Variants in SPPL2B observed in about 807,000 individuals in gnomAD.
The protein encoded by SPPL2B is signal peptide peptidase-like 2B.
SPPL2B carries 39 observed loss-of-function variants against 59.7 expected under a neutral mutation model. The ratio of observed to expected loss-of-function variants is 0.65; its 90% CI spans 0.51 to 0.85. The LOEUF (loss-of-function observed/expected upper bound fraction) is 0.85, where lower values mean the gene tolerates loss of function less well. Among genes scored for constraint, SPPL2B ranks in the 40% least tolerant of loss-of-function variants. SPPL2B has a pLI of 0.00. For synonymous variants in SPPL2B, 419 were observed against 370.8 expected, an observed-to-expected ratio of 1.13 and a Z score of -1.49; for missense variants, 865 against 849.0, an observed-to-expected ratio of 1.02 and a Z score of -0.23.
At chr19:2,338,409 G>C in intron 3 of SPPL2B, 1 of 199,706 alleles carries the variant, frequency 5.0e-6, no homozygotes, top group Non-Finnish European at 1.0e-5. Flanking sequence ...CAGTGGGTGC[G>C]GGGCTCAAGG....
intron 14 of SPPL2B, 40 bp from the exon 15 acceptor site, chr19:2,352,906 T>G: frequency 6.2e-7 from 1 of 1,608,228 alleles, no homozygotes; most frequent in Admixed American, 1.7e-5. Flanking sequence ...CTCCTCTGGG[T>G]CCCTGTCTCC....
chr19:2,339,913 T>C lies in SPPL2B; in HGVS notation c.689T>C (p.Val230Ala). 1 of 1,573,316 alleles carries C rather than the reference T, an allele frequency of 6.4e-7. No individual in the cohort carries two copies. Among genetic ancestry groups the C allele is most frequent in the Non-Finnish European group, 8.6e-7 (1 of 1,159,304 alleles). Reference sequence around the variant, plus strand: ...ACGCCGGTGATGACCTGCGTGTTTGTGGTGATGTGCTGCTCCATGCTGGTG... The same window carrying C: ...ACGCCGGTGATGACCTGCGTGTTTGCGGTGATGTGCTGCTCCATGCTGGTG... ...DVTPVMTCVF[V>A]VMCCSMLVLL... Residue 230 changes from valine to alanine, a missense_variant, in exon 6 of 15, where the codon GTG becomes GCG. Transcript: ENST00000613503.
chr19:2,344,747 C>T (rs1028254469), intron 12 of SPPL2B, 95 bp downstream of exon 12: 20 of 794,668 alleles, frequency 2.5e-5, no homozygotes, highest in South Asian at 8.8e-5. Flanking sequence ...CGCACACCGT[C>T]GGCTGGAGAT....
intron 13 of SPPL2B, among the ~76,000 whole-genome samples, chr19:2,350,723 G>A (rs1334665336): frequency 6.6e-6 from 1 of 152,268 alleles, no homozygotes; most frequent in Admixed American, 6.5e-5. Context: ...TCACGTTTGC[G>A]TTTGTAGGAA....
At chr19:2,333,930 C>T (rs1251201966) in intron 1 of SPPL2B, among the ~76,000 whole-genome samples, 1 of 152,242 alleles carries the variant, frequency 6.6e-6, no homozygotes, top group Non-Finnish European at 1.5e-5. Context: ...GCAGCGTGAC[C>T]TGTTGCAAAC....
In SPPL2B at chr19:2,353,644, C is replaced by T. The variant is rs1720709665; in HGVS notation, c.*435C>T. 1 of 183,220 alleles carries T rather than the reference C, an allele frequency of 5.5e-6. No homozygotes were observed. Among genetic ancestry groups the T allele is most frequent in the African/African-American group, 2.4e-5 (1 of 41,944 alleles). The allele number at this position is 183,220 out of a possible 1,614,324, so 11.3% of individuals were successfully genotyped here. ...TCCTGCTCTCCGGGTGGAAGAGCAGCTTTCTGTCTCCCAGAAGGCATCGCT... is the reference window on the plus strand; with the variant it reads ...TCCTGCTCTCCGGGTGGAAGAGCAGTTTTCTGTCTCCCAGAAGGCATCGCT... On this transcript the variant is annotated 3_prime_UTR_variant, in exon 15 of 15. Transcript: ENST00000613503.
In SPPL2B at chr19:2,332,056, A is replaced by G. The variant is rs1968318456; in HGVS notation, c.67-2546A>G. Reference sequence around the variant, plus strand: ...CTAAGGGGTGCTCTCACGGGCAGGCAGTCTGGTGGGCAGAACTGGAAAGAA... The same window carrying G: ...CTAAGGGGTGCTCTCACGGGCAGGCGGTCTGGTGGGCAGAACTGGAAAGAA... On this transcript the variant is annotated intron_variant, in intron 1 of 14. Coordinates refer to ENST00000613503, the MANE Select transcript of SPPL2B (RefSeq NM_152988.3). The surrounding 1 kb of genome is among the most constrained non-coding windows in gnomAD (Gnocchi z 4.6). Among the ~76,000 whole-genome samples, 6 of 152,196 alleles carry G rather than the reference A, an allele frequency of 3.9e-5. No individual in the cohort carries two copies.
intron 13 of SPPL2B, among the ~76,000 whole-genome samples, chr19:2,350,499 A>G (rs891234762): frequency 2.9e-5 from 4 of 139,460 alleles, no homozygotes; most frequent in South Asian, 4.7e-4. Context: ...GCTTGATTCC[A>G]TTCTCTCTCT....
At chr19:2,350,399 G>A (rs1419384783) in intron 13 of SPPL2B, among the ~76,000 whole-genome samples, 1 of 124,870 alleles carries the variant, frequency 8.0e-6, no homozygotes, top group Non-Finnish European at 1.6e-5. Flanking sequence ...GTTCTCATTC[G>A]CTTGATTCCG....
At position 2,334,730 on chromosome 19, in the gene SPPL2B, C is replaced by T; in HGVS notation, c.186+9C>T. On this transcript the variant is annotated intron_variant, in intron 2 of 14. Coordinates refer to ENST00000613503, the MANE Select transcript of SPPL2B (RefSeq NM_152988.3). ...ACGACCTCAGCAAGGCAGTGAGTAC[C>T]CGCTGGCCGGGCGCCGCTGCGGAGG... The T allele has an allele frequency of 6.3e-7, 1 of 1,577,658 alleles. No homozygotes were observed. Among genetic ancestry groups the T allele is most frequent in the Non-Finnish European group, 8.6e-7 (1 of 1,161,722 alleles).
intron 2 of SPPL2B, among the ~76,000 whole-genome samples, chr19:2,335,571 T>A (rs1362957777): frequency 5.3e-4 from 46 of 86,578 alleles, no homozygotes; most frequent in South Asian, 2.2e-3. Context: ...TGCATCCCTC[T>A]GGCCCCGCCT....
Position 2,351,751 on chromosome 19 carries a change from C to T in SPPL2B, c.1515+157C>T, listed in dbSNP as rs1003577045. On this transcript the variant is annotated intron_variant, in intron 14 of 14. Coordinates refer to ENST00000613503, the MANE Select transcript of SPPL2B (RefSeq NM_152988.3). ...GCTTTGGGTGTCATGCGCGTGAGGC[C>T]CCGGTGGAAGGACGTGCGTGCAGCT... is the stretch of plus-strand genomic sequence containing the variant. The T allele has an allele frequency of 7.9e-6, 8 of 1,016,218 alleles. No individual in the cohort carries two copies. In the African/African-American group the frequency reaches 1.1e-4, roughly 14 times the overall value. 63.0% of individuals were successfully genotyped at this position (1,016,218 alleles called of 1,614,324 possible). A position where few individuals can be genotyped will look rare whatever the true frequency, so the allele number is the denominator to read the frequency against.
intron 1 of SPPL2B, among the ~76,000 whole-genome samples, chr19:2,331,343 G>A (rs1488553885): frequency 1.3e-5 from 2 of 152,238 alleles, no homozygotes; most frequent in South Asian, 4.1e-4. Flanking sequence ...CAAAGCGTTT[G>A]TGCTGCAATT....
At chr19:2,334,814 CAGAGGCG>C in intron 2 of SPPL2B, 93 bp downstream of exon 2, 9 of 1,423,414 alleles carry the variant, frequency 6.3e-6, no homozygotes, top group Non-Finnish European at 8.3e-6. Flanking sequence ...AGGAAAGATC[CAGAGGCG>C]AGAGGCAGGC....
At chr19:2,328,903 C>A in intron 1 of SPPL2B, 128 bp downstream of exon 1, 7 of 835,732 alleles carry the variant, frequency 8.4e-6, no homozygotes, top group Non-Finnish European at 1.1e-5. Flanking sequence ...TCCGCCGTCC[C>A]CGCGTTGTCG....
chr19:2,338,910 G>T (rs1968825699), intron 4 of SPPL2B, 69 bp downstream of exon 4: 2 of 1,545,904 alleles, frequency 1.3e-6, no homozygotes. Context: ...CTGGCTGCCG[G>T]GGGGGTTTGT....
chr19:2,330,554 G>C (rs1218766935), intron 1 of SPPL2B: 3 of 152,128 alleles, frequency 2.0e-5, no homozygotes, highest in Non-Finnish European at 4.4e-5. Context: ...GCAAGGGGTG[G>C]GCTGTGGCTG....
At chr19:2,340,457 C>G (rs572574287) in intron 7 of SPPL2B, 3 of 624,332 alleles carry the variant, frequency 4.8e-6, no homozygotes, top group South Asian at 4.7e-5. Context: ...CCCCAGGGTT[C>G]TCCGGGGAAC....
chr19:2,341,838 C>G (rs1969077489), intron 8 of SPPL2B: 1 of 332,772 alleles, frequency 3.0e-6, no homozygotes, highest in Non-Finnish European at 6.0e-6. Context: ...GGGGCTCACG[C>G]CTGGGATCCC....
Sources: allele counts gnomAD v4.1 joint callset (sites outside exome capture counted in the v4.1 genomes callset), GRCh38; gene constraint gnomAD v4.1.1; non-coding constraint Gnocchi (gnomAD v3.1); transcripts MANE v1.5; gene names NCBI Gene and HGNC (gene_info 2026-07-23, HGNC 2026-07-21).